Variants in RMST observed in about 807,000 individuals in gnomAD.
RMST encodes the protein rhabdomyosarcoma 2 associated transcript, also known as long intergenic non-protein coding RNA 54.
At chr12:97,483,504 C>T (rs921767976) in intron 5 of RMST, 3 of 151,956 alleles carry the variant, frequency 2.0e-5, no homozygotes, top group Non-Finnish European at 4.4e-5. Flanking sequence ...TGGCCGTAAG[C>T]CAGAAAAGAT....
chr12:97,489,802 C>T (rs1029828062), intron 5 of RMST, among the ~76,000 whole-genome samples: 2 of 152,142 alleles, frequency 1.3e-5, no homozygotes, highest in Non-Finnish European at 2.9e-5. Context: ...TGATATGTGT[C>T]ATGCACTGGG....
intron 7 of RMST, chr12:97,493,288 GAGT>G (rs1158028954): frequency 6.6e-6 from 1 of 152,580 alleles, no homozygotes; most frequent in Non-Finnish European, 1.5e-5. Context: ...TTCCAAAGGT[GAGT>G]AGGGGCATTG....
chr12:97,537,662 G>A (rs1882175663), intron 11 of RMST, among the ~76,000 whole-genome samples: 2 of 151,522 alleles, frequency 1.3e-5, no homozygotes, highest in South Asian at 4.2e-4. Flanking sequence ...GTCTGGAAGC[G>A]CATATGCTAA....
rs114325860 is a variant in RMST, at chr12:97,514,592, T to C, written n.1341-16063T>C. ...ATTTTCTGGATTTCGATTAGTTCAT[T>C]CTGAACTGTTGACAAGCTAAATTTA... is the stretch of plus-strand genomic sequence containing the variant. On this transcript the variant is annotated intron_variant and non_coding_transcript_variant, in intron 10 of 13. Transcript: ENST00000640149. Among the ~76,000 whole-genome samples the C allele has an allele frequency of 4.6e-3, 697 of 152,312 alleles. 5 individuals are homozygous for C. Among genetic ancestry groups the C allele is most frequent in the African/African-American group, 0.015 (633 of 41,576 alleles).
rs1244477286 is a variant in RMST at position 97,492,589 on chromosome 12, C to T, written n.773C>T. The T allele has an allele frequency of 2.0e-5, 3 of 152,214 alleles. No individual in the cohort carries two copies. In the East Asian group the frequency reaches 5.8e-4, roughly 29 times the overall value. The allele number at this position is 152,214 out of a possible 1,614,324, so 9.4% of individuals were successfully genotyped here. A position where few individuals can be genotyped will look rare whatever the true frequency, so the allele number is the denominator to read the frequency against. On this transcript the variant is annotated non_coding_transcript_exon_variant, in exon 6 of 14. Coordinates refer to ENST00000640149, the Ensembl canonical transcript of RMST. ...AGTCTGCTTAGGGTGAAACAAATACCTTTGAGGTTTAAATCAGGTGTGTAA... is the reference window on the plus strand; with the variant it reads ...AGTCTGCTTAGGGTGAAACAAATACTTTTGAGGTTTAAATCAGGTGTGTAA...
intron 10 of RMST, among the ~76,000 whole-genome samples, chr12:97,498,356 C>G (rs1467735108): frequency 6.6e-6 from 1 of 152,132 alleles, no homozygotes; most frequent in African/African-American, 2.4e-5. Context: ...CATTTCTGCT[C>G]TACCACTTAT....
At chr12:97,486,118 A>T (rs1335241446) in intron 5 of RMST, among the ~76,000 whole-genome samples, 2 of 152,196 alleles carry the variant, frequency 1.3e-5, no homozygotes, top group Non-Finnish European at 2.9e-5. Context: ...CATAGGTAAG[A>T]ATGGTAAGCT....
intron 5 of RMST, among the ~76,000 whole-genome samples, chr12:97,486,686 G>C (rs889149025): frequency 1.2e-4 from 19 of 152,196 alleles, no homozygotes; most frequent in Admixed American, 1.2e-3. Context: ...GGGACAGAGA[G>C]AATAGAGGGT....
At chr12:97,470,016 C>T (rs1873705890) in intron 5 of RMST, among the ~76,000 whole-genome samples, 1 of 152,026 alleles carries the variant, frequency 6.6e-6, no homozygotes, top group African/African-American at 2.4e-5. Context: ...TTGCTCATTG[C>T]CCCCACAAAA....
At chr12:97,555,912 C>T (rs1375427207) in intron 11 of RMST, among the ~76,000 whole-genome samples, 2 of 152,200 alleles carry the variant, frequency 1.3e-5, no homozygotes, top group Non-Finnish European at 2.9e-5. Flanking sequence ...CTCTGAAGCT[C>T]TAACTTATCT....
At chr12:97,483,209 A>G (rs1456007758) in intron 5 of RMST, among the ~76,000 whole-genome samples, 1 of 152,174 alleles carries the variant, frequency 6.6e-6, no homozygotes, top group African/African-American at 2.4e-5. Context: ...GCTGTTGATG[A>G]TGGTGAAAGT....
chr12:97,526,019 T>G (rs1881071831), intron 10 of RMST, among the ~76,000 whole-genome samples: 1 of 151,966 alleles, frequency 6.6e-6, no homozygotes. Context: ...ACTGTCCCCA[T>G]CACCCTCAGA....
chr12:97,524,075 CAAAAAAAAAAAAAAA>C (rs537840796), intron 10 of RMST, among the ~76,000 whole-genome samples: 3 of 56,118 alleles, frequency 5.3e-5, no homozygotes, highest in African/African-American at 2.3e-4. Context: ...GACTCTGTCT[CAAAAAAAAAAAAAAA>C]AAAAAAAAAA....
At chr12:97,536,818 G>C (rs1592762100) in intron 11 of RMST, among the ~76,000 whole-genome samples, 1 of 151,188 alleles carries the variant, frequency 6.6e-6, no homozygotes, top group Non-Finnish European at 1.5e-5. Context: ...AATGATCCAG[G>C]TTTCTTTACT....
chr12:97,518,267 T>C (rs1213963177), intron 10 of RMST, among the ~76,000 whole-genome samples: 3 of 152,346 alleles, frequency 2.0e-5, no homozygotes, highest in Non-Finnish European at 1.5e-5. Context: ...TAAGGACTTC[T>C]GTTTTTAAGA....
intron 10 of RMST, among the ~76,000 whole-genome samples, chr12:97,522,720 T>C (rs1880643028): frequency 6.6e-6 from 1 of 152,152 alleles, no homozygotes; most frequent in African/African-American, 2.4e-5. Context: ...AGTAAGGGTA[T>C]TATTTCATGA....
intron 5 of RMST, among the ~76,000 whole-genome samples, chr12:97,480,685 T>A (rs191435841): frequency 1.3e-5 from 2 of 152,368 alleles, no homozygotes; most frequent in Non-Finnish European, 2.9e-5. Context: ...GTCTTATCTC[T>A]AACAATTTCC....
intron 11 of RMST, among the ~76,000 whole-genome samples, chr12:97,539,857 A>G (rs1301986306): frequency 1.3e-5 from 2 of 151,596 alleles, no homozygotes; most frequent in Non-Finnish European, 3.0e-5. Context: ...AAATATAGCT[A>G]TCTTTCTGAC....
chr12:97,495,176 T>TGGG lies in RMST; in HGVS notation n.1214+301_1214+303dup, dbSNP rs112974508. ...TAAATTATGTACATCATTATTCTTATGGGGGGGGAGCCGCTGGGAAAGGCA... is the reference window on the plus strand; with the variant it reads ...TAAATTATGTACATCATTATTCTTATGGGGGGGGGGGAGCCGCTGGGAAAGGCA... On this transcript the variant is annotated intron_variant and non_coding_transcript_variant, in intron 9 of 13. Coordinates refer to ENST00000640149, the Ensembl canonical transcript of RMST. Among the ~76,000 whole-genome samples, 474 of 146,472 alleles carry TGGG rather than the reference T, an allele frequency of 3.2e-3. 3 individuals carry two copies. Among genetic ancestry groups the TGGG allele is most frequent in the Middle Eastern group, 0.01 (3 of 286 alleles).
Sources: allele counts gnomAD v4.1 joint callset (sites outside exome capture counted in the v4.1 genomes callset), GRCh38; gene constraint gnomAD v4.1.1; transcripts MANE v1.5; gene names NCBI Gene and HGNC (gene_info 2026-07-23, HGNC 2026-07-21).